The following DCUN1D4 variants were observed in gnomAD, a reference collection of about 807,000 sequenced individuals.
DCUN1D4 encodes the protein DCN1-like protein 4.
DCUN1D4 carries 22 observed loss-of-function variants against 47.9 expected under a neutral mutation model. The ratio of observed to expected loss-of-function variants is 0.46; its 90% CI spans 0.33 to 0.66. DCUN1D4 has a LOEUF of 0.66. Among genes scored for constraint, DCUN1D4 ranks in the 30% least tolerant of loss-of-function variants. The pLI, the probability that DCUN1D4 is intolerant of heterozygous loss-of-function variation, is 0.02. For synonymous variants in DCUN1D4, 121 were observed against 112.2 expected (o/e 1.08, Z -0.50); for missense variants, 301 against 340.8 (o/e 0.88, Z 0.92).
At chr4:51,843,384 C>T (rs1290148401) in intron 1 of DCUN1D4, 117 bp downstream of exon 1, 4 of 1,360,708 alleles carry the variant, frequency 2.9e-6, no homozygotes, top group East Asian at 3.1e-5. Context: ...GAGCCCCTGC[C>T]TGGGAACCAC....
intron 8 of DCUN1D4, among the ~76,000 whole-genome samples, chr4:51,905,734 C>T (rs567605147): frequency 3.3e-5 from 5 of 152,144 alleles, no homozygotes; most frequent in Admixed American, 6.5e-5. Context: ...CAGAGGCTGG[C>T]GCATGGGATT....
intron 5 of DCUN1D4, among the ~76,000 whole-genome samples, chr4:51,878,311 C>A (rs1292974547): frequency 6.6e-6 from 1 of 152,024 alleles, no homozygotes; most frequent in Non-Finnish European, 1.5e-5. Context: ...TTTCTTTTTG[C>A]AATTTACTAT....
chr4:51,897,110 C>G (rs1731389089), intron 7 of DCUN1D4, among the ~76,000 whole-genome samples: 3 of 152,198 alleles, frequency 2.0e-5, no homozygotes, highest in African/African-American at 7.2e-5. Flanking sequence ...CTGCTTATCT[C>G]TCAACTCTCT....
chr4:51,874,331 A>T lies in DCUN1D4; in HGVS notation c.197A>T (p.Lys66Met). ...AATAAAGTGATGCCACCAAGGAAAA[A>T]GAGAAGACCTGCCTCTGGAGATGAT... ...CFNKVMPPRK[K>M]RRPASGDDLS... The change falls in exon 4 of 11, where the codon AAG becomes ATG. Residue 66 changes from lysine (K) to methionine (M), a missense_variant. Transcript: ENST00000334635. 1.2e-6 allele frequency: 2 copies of T among 1,613,892 alleles called. No individual in the cohort carries two copies. Among genetic ancestry groups the T allele is most frequent in the Non-Finnish European group, 1.7e-6 (2 of 1,179,930 alleles).
rs1226397007 is a variant in DCUN1D4 at position 51,913,734 on chromosome 4, A to G, written c.*150A>G. On this transcript the variant is annotated 3_prime_UTR_variant, in exon 11 of 11. Transcript: ENST00000334635. ...GTTGGTGTTTGCTATTGAATTGGCC[A>G]GCTCTGCTTGCTGTGTGGCATTGTT... The G allele has an allele frequency of 3.0e-6, 2 of 672,506 alleles. No individual in the cohort carries two copies. Among genetic ancestry groups the G allele is most frequent in the Non-Finnish European group, 5.1e-6 (2 of 395,862 alleles). The allele number at this position is 672,506 out of a possible 1,614,324, so 41.7% of individuals were successfully genotyped here.
chr4:51,895,008 G>C (rs570391855), intron 7 of DCUN1D4, among the ~76,000 whole-genome samples: 3 of 152,198 alleles, frequency 2.0e-5, no homozygotes, highest in Admixed American at 2.0e-4. Context: ...GTCCTCCCAT[G>C]TTGGAAGGGG....
intron 6 of DCUN1D4, among the ~76,000 whole-genome samples, chr4:51,891,284 G>T (rs1730388709): frequency 6.6e-6 from 1 of 152,158 alleles, no homozygotes; most frequent in African/African-American, 2.4e-5. Context: ...CCTTTATATG[G>T]AATGTATTCG....
intron 1 of DCUN1D4, among the ~76,000 whole-genome samples, chr4:51,857,361 T>G (rs1724295539): frequency 1.3e-5 from 2 of 152,292 alleles, no homozygotes; most frequent in East Asian, 3.9e-4. Flanking sequence ...GTCATCTCCA[T>G]AAATGGCCAC....
At chr4:51,888,118 G>T (rs1729803678) in intron 6 of DCUN1D4, among the ~76,000 whole-genome samples, 2 of 152,070 alleles carry the variant, frequency 1.3e-5, no homozygotes, top group South Asian at 4.1e-4. Context: ...TAGTCAGAGG[G>T]CTGAGAGTGA....
In DCUN1D4 at chr4:51,904,518, G is replaced by GT. The variant is rs533058581; in HGVS notation, c.615+5141dup. Among the ~76,000 whole-genome samples, 35 of 152,268 alleles carry GT rather than the reference G, an allele frequency of 2.3e-4. No individual in the cohort carries two copies. The East Asian group carries it at 6.4e-3, about 28-fold the overall frequency. On this transcript the variant is annotated intron_variant, in intron 8 of 10. Coordinates refer to ENST00000334635, the MANE Select transcript of DCUN1D4 (RefSeq NM_001040402.3). ...TTTGCCACCTTGAACTCCAAGCTCT[G>GT]TCTTTTCCAACTCAGCAAGATTGCT... is the stretch of plus-strand genomic sequence containing the variant.
At chr4:51,891,293 C>T (rs944655644) in intron 6 of DCUN1D4, among the ~76,000 whole-genome samples, 6 of 152,208 alleles carry the variant, frequency 3.9e-5, no homozygotes, top group African/African-American at 7.2e-5. Flanking sequence ...GGAATGTATT[C>T]GGCAAAGAAG....
intron 7 of DCUN1D4, among the ~76,000 whole-genome samples, chr4:51,897,288 A>G (rs1731415958): frequency 6.6e-6 from 1 of 152,194 alleles, no homozygotes; most frequent in Non-Finnish European, 1.5e-5. Context: ...AGTTTATCAT[A>G]TCAACAAAGA....
rs550748108 is a variant in DCUN1D4 at position 51,915,280 on chromosome 4, A to G, written c.*1696A>G. 4 of 152,726 alleles carry G rather than the reference A, an allele frequency of 2.6e-5. No homozygotes were observed. The South Asian group carries it at 6.2e-4, about 24-fold the overall frequency. The allele number at this position is 152,726 out of a possible 1,614,324, so 9.5% of individuals were successfully genotyped here. On this transcript the variant is annotated 3_prime_UTR_variant, in exon 11 of 11. Coordinates refer to ENST00000334635, the MANE Select transcript of DCUN1D4 (RefSeq NM_001040402.3). ...CAAAATCATGATATAGTAGAATGCA[A>G]CTACTTTCTTTTTCTACCAAACGAA...
intron 4 of DCUN1D4, among the ~76,000 whole-genome samples, chr4:51,875,937 A>G (rs1004448212): frequency 6.6e-5 from 10 of 151,846 alleles, no homozygotes; most frequent in African/African-American, 4.8e-5. Flanking sequence ...CCAGAATTAG[A>G]TCATATCTAT....
At chr4:51,848,103 G>T in intron 1 of DCUN1D4, 2 of 865,002 alleles carry the variant, frequency 2.3e-6, no homozygotes, top group East Asian at 6.5e-5. Flanking sequence ...ATTATCTTTA[G>T]ATTTTTCTTC....
chr4:51,833,977 G>C, the DCUN1D4 span, among the ~76,000 whole-genome samples: 1 of 151,588 alleles, frequency 6.6e-6, no homozygotes, highest in African/African-American at 2.4e-5. Flanking sequence ...ATTTTGCAGA[G>C]TGGGAGCCTG....
chr4:51,851,338 G>A (rs1250052316), intron 1 of DCUN1D4, among the ~76,000 whole-genome samples: 1 of 152,166 alleles, frequency 6.6e-6, no homozygotes, highest in African/African-American at 2.4e-5. Flanking sequence ...GAACATGTGG[G>A]GAATGGTTAG....
At chr4:51,836,725 C>G in the DCUN1D4 span, among the ~76,000 whole-genome samples, 2 of 152,188 alleles carry the variant, frequency 1.3e-5, no homozygotes, top group African/African-American at 4.8e-5. Context: ...AGGAAGTGAG[C>G]ACATATTTTC....
intron 8 of DCUN1D4, among the ~76,000 whole-genome samples, chr4:51,909,170 G>A (rs533995580): frequency 6.6e-6 from 1 of 152,152 alleles, no homozygotes; most frequent in African/African-American, 2.4e-5. Context: ...TATGTCCATT[G>A]TGACGGGGAC....
Sources: allele counts gnomAD v4.1 joint callset (sites outside exome capture counted in the v4.1 genomes callset), GRCh38; gene constraint gnomAD v4.1.1; transcripts MANE v1.5; gene names NCBI Gene and HGNC (gene_info 2026-07-23, HGNC 2026-07-21).